Variants in LINGO2 observed in about 807,000 individuals in gnomAD.
LINGO2 encodes the protein leucine rich repeat and Ig domain containing 2.
Under a neutral mutation model 30.6 loss-of-function variants are expected in LINGO2, and 14 were observed. That is an observed-to-expected ratio of 0.46 (90% CI 0.30 to 0.72). The LOEUF (loss-of-function observed/expected upper bound fraction) is 0.72. LINGO2 is among the 30% of genes least tolerant of loss of function. The probability of loss-of-function intolerance (pLI) is 0.07; values close to 1 mark genes in which losing one functional copy is unlikely to be tolerated. For synonymous variants in LINGO2, 317 were observed against 288.5 expected (o/e 1.10, Z -1.00); for missense variants, 729 against 751.7 (o/e 0.97, Z 0.35).
At chr9:28,937,941 C>A in the LINGO2 span, among the ~76,000 whole-genome samples, 1 of 152,110 alleles carries the variant, frequency 6.6e-6, no homozygotes, top group Non-Finnish European at 1.5e-5. Flanking sequence ...CCTCCTACAA[C>A]CCTCCACCCC....
the LINGO2 span, among the ~76,000 whole-genome samples, chr9:28,969,703 G>A: frequency 6.6e-6 from 1 of 152,078 alleles, no homozygotes; most frequent in Admixed American, 6.5e-5. Flanking sequence ...TTTCCAAGAA[G>A]AACTAGAAGG....
chr9:28,331,535 TCA>T (rs1248102196), intron 3 of LINGO2, among the ~76,000 whole-genome samples: 2 of 152,166 alleles, frequency 1.3e-5, no homozygotes, highest in Admixed American at 6.5e-5. Context: ...AGAAGAAGTC[TCA>T]CTCTGTCACC....
intron 4 of LINGO2, among the ~76,000 whole-genome samples, chr9:28,042,042 A>C (rs754042110): frequency 3.3e-5 from 5 of 152,192 alleles, no homozygotes; most frequent in Non-Finnish European, 7.3e-5. Flanking sequence ...CAGTTTCATC[A>C]TCTGTAAAAT....
the LINGO2 span, among the ~76,000 whole-genome samples, chr9:28,917,812 T>C: frequency 6.6e-6 from 1 of 152,090 alleles, no homozygotes; most frequent in Non-Finnish European, 1.5e-5. Context: ...GTTCAGCTCA[T>C]ATAAAAGATG....
At chr9:28,540,347 C>T (rs1022915711) in intron 1 of LINGO2, among the ~76,000 whole-genome samples, 4 of 151,812 alleles carry the variant, frequency 2.6e-5, no homozygotes, top group Admixed American at 6.6e-5. Flanking sequence ...GCAGCTTCAA[C>T]CTCTCCAGGC....
At chr9:28,101,552 A>G (rs748508560) in intron 4 of LINGO2, among the ~76,000 whole-genome samples, 1 of 152,132 alleles carries the variant, frequency 6.6e-6, no homozygotes, top group Non-Finnish European at 1.5e-5. Flanking sequence ...CAAAGATTAA[A>G]CTTTTTCATC....
the LINGO2 span, among the ~76,000 whole-genome samples, chr9:29,079,165 G>C: frequency 6.6e-6 from 1 of 151,788 alleles, no homozygotes; most frequent in African/African-American, 2.4e-5. Context: ...TGCTACGGTA[G>C]ATGTGCTCTG....
chr9:28,886,331 G>GA, the LINGO2 span, among the ~76,000 whole-genome samples: 1 of 152,012 alleles, frequency 6.6e-6, no homozygotes. Context: ...ATGGTACTAT[G>GA]AAAAAAATTT....
intron 5 of LINGO2, among the ~76,000 whole-genome samples, chr9:27,981,881 G>A (rs1211262823): frequency 1.3e-5 from 2 of 151,804 alleles, no homozygotes; most frequent in African/African-American, 2.4e-5. Context: ...TTTGTTCAAA[G>A]GCTGATTTTA....
intron 3 of LINGO2, among the ~76,000 whole-genome samples, chr9:28,362,236 G>T (rs1045462715): frequency 4.6e-5 from 7 of 152,044 alleles, no homozygotes; most frequent in African/African-American, 1.4e-4. Flanking sequence ...GTGTGCGCAT[G>T]CGCATGTGTG....
intron 4 of LINGO2, among the ~76,000 whole-genome samples, chr9:28,134,500 T>TA (rs1375231124): frequency 2.0e-5 from 3 of 152,222 alleles, no homozygotes; most frequent in Non-Finnish European, 4.4e-5. Context: ...CAAGTGCCAC[T>TA]ACGATCTGGG....
intron 1 of LINGO2, among the ~76,000 whole-genome samples, chr9:28,519,001 T>A (rs1189362611): frequency 6.6e-6 from 1 of 152,118 alleles, no homozygotes; most frequent in South Asian, 2.1e-4. Flanking sequence ...TTTCACAGTA[T>A]TTTTTAAATG....
At chr9:28,472,829 T>C (rs1274370199) in intron 2 of LINGO2, among the ~76,000 whole-genome samples, 2 of 152,166 alleles carry the variant, frequency 1.3e-5, no homozygotes, top group Admixed American at 1.3e-4. Context: ...AATCTGATTC[T>C]GTTATTTGTT....
At chr9:28,494,892 C>T (rs10757748) in intron 1 of LINGO2, among the ~76,000 whole-genome samples, 108,099 of 152,020 alleles carry the variant, frequency 0.71, 38,531 homozygotes, top group South Asian at 0.79. Context: ...GTTTCCTGAC[C>T]TTTTAATGAT....
chr9:28,223,081 T>C (rs1821023791), intron 4 of LINGO2, among the ~76,000 whole-genome samples: 1 of 152,214 alleles, frequency 6.6e-6, no homozygotes, highest in African/African-American at 2.4e-5. Flanking sequence ...ATTGAGGGAC[T>C]TGCACTCAGT....
At chr9:27,967,991 G>C (rs1485331036) in intron 5 of LINGO2, among the ~76,000 whole-genome samples, 1 of 152,058 alleles carries the variant, frequency 6.6e-6, no homozygotes, top group East Asian at 1.9e-4. Context: ...CAGATATTTG[G>C]GAACTTTTAT....
chr9:28,197,831 G>C (rs1161327654), intron 4 of LINGO2, among the ~76,000 whole-genome samples: 1 of 151,384 alleles, frequency 6.6e-6, no homozygotes, highest in Admixed American at 6.6e-5. Flanking sequence ...AAAGAACTCT[G>C]ACAAGTCAAC....
At chr9:28,804,744 G>A in the LINGO2 span, among the ~76,000 whole-genome samples, 1 of 152,046 alleles carries the variant, frequency 6.6e-6, no homozygotes, top group African/African-American at 2.4e-5. Flanking sequence ...AAGTGGGTCA[G>A]TTTCTAGATC....
chr9:28,531,067 T>A (rs554647714), intron 1 of LINGO2, among the ~76,000 whole-genome samples: 21 of 147,218 alleles, frequency 1.4e-4, no homozygotes, highest in African/African-American at 4.8e-4. Context: ...ATATATATAA[T>A]ATATAAAATT....
Sources: gnomAD v4.1 joint callset for allele counts (sites outside exome capture counted in the v4.1 genomes callset) on GRCh38, gnomAD v4.1.1 for gene constraint, MANE v1.5 for transcripts, NCBI Gene and HGNC (gene_info 2026-07-23, HGNC 2026-07-21) for gene names.